The following MCHR2 variants were observed in gnomAD, a reference collection of about 807,000 sequenced individuals.
The protein encoded by MCHR2 is melanin-concentrating hormone receptor 2.
MCHR2 carries 15 observed loss-of-function variants against 24.8 expected under a neutral mutation model. The observed-to-expected ratio is 0.60, with a 90% confidence interval of 0.40 to 0.93. The LOEUF is 0.93. MCHR2 is among the 40% of genes least tolerant of loss of function. The probability of loss-of-function intolerance (pLI) is 0.00; values close to 1 mark genes in which losing one functional copy is unlikely to be tolerated. For synonymous variants in MCHR2, 151 were observed against 147.6 expected (o/e 1.02, Z -0.17); for missense variants, 386 against 408.7 (o/e 0.94, Z 0.48).
At chr6:99,993,037 TAAG>T (rs1279818742) in intron 1 of MCHR2, among the ~76,000 whole-genome samples, 1 of 152,222 alleles carries the variant, frequency 6.6e-6, no homozygotes, top group Non-Finnish European at 1.5e-5. Flanking sequence ...TGCGCTGAGC[TAAG>T]TTCTATGAAA....
rs1775939836 is a variant in MCHR2, at chr6:99,993,973, G to C, written c.-65C>G. ...GTCCTCCCCGCGCGGCGGACAGCCC[G>C]GGCGCCCTTCCTCTCTGCGGGACTG... On this transcript the variant is annotated 5_prime_UTR_variant, in exon 1 of 6. Transcript: ENST00000281806. 1.3e-5 allele frequency: 2 copies of C among 152,272 alleles called. No individual in the cohort carries two copies. Among genetic ancestry groups the C allele is most frequent in the East Asian group, 3.9e-4 (2 of 5,134 alleles). The allele number at this position is 152,272 out of a possible 1,614,324, so 9.4% of individuals were successfully genotyped here.
chr6:99,918,821 A>G lies in MCHR2; in HGVS notation c.*2119T>C, dbSNP rs542020230. Among the ~76,000 whole-genome samples the G allele has an allele frequency of 1.1e-3, 174 of 152,324 alleles. No individual in the cohort carries two copies. Among genetic ancestry groups the G allele is most frequent in the Middle Eastern group, 6.8e-3 (2 of 294 alleles). The stretch of plus-strand genomic sequence containing the variant: ...CCTTTTTATTTTCTACTTTGATTAA[A>G]TGCTAAATAAAGCTCCTTACAACTC... On this transcript the variant is annotated 3_prime_UTR_variant, in exon 6 of 6. Coordinates refer to ENST00000281806, the MANE Select transcript of MCHR2 (RefSeq NM_001040179.2).
At chr6:99,979,580 T>C (rs1225128302) in intron 1 of MCHR2, among the ~76,000 whole-genome samples, 1 of 152,216 alleles carries the variant, frequency 6.6e-6, no homozygotes, top group Non-Finnish European at 1.5e-5. Context: ...AAATTTTTAA[T>C]AGACTAGGTT....
At chr6:99,981,545 G>A (rs549505046) in intron 1 of MCHR2, among the ~76,000 whole-genome samples, 5 of 152,224 alleles carry the variant, frequency 3.3e-5, no homozygotes, top group Admixed American at 1.3e-4. Context: ...ATTGAGAATG[G>A]GGTCAAATTC....
At chr6:99,962,414 T>C (rs1407071520) in intron 1 of MCHR2, among the ~76,000 whole-genome samples, 3 of 152,164 alleles carry the variant, frequency 2.0e-5, no homozygotes, top group African/African-American at 7.2e-5. Flanking sequence ...AACTAAAATC[T>C]TGAAAAGTGA....
At chr6:99,970,503 T>A (rs1167175977) in intron 1 of MCHR2, among the ~76,000 whole-genome samples, 5 of 152,132 alleles carry the variant, frequency 3.3e-5, no homozygotes, top group Non-Finnish European at 7.4e-5. Context: ...TTCTCCCATT[T>A]TGTAGGTTGC....
chr6:99,942,772 C>T (rs545665623), intron 4 of MCHR2, among the ~76,000 whole-genome samples, 177 bp downstream of exon 4: 9 of 152,166 alleles, frequency 5.9e-5, no homozygotes, highest in African/African-American at 1.9e-4. Flanking sequence ...TAAAGGTTAC[C>T]CTCTCCTTAA....
intron 1 of MCHR2, among the ~76,000 whole-genome samples, chr6:99,959,449 AC>A (rs770280958): frequency 6.6e-6 from 1 of 151,334 alleles, no homozygotes; most frequent in Non-Finnish European, 1.5e-5. Context: ...ATGTGTAGAT[AC>A]CAATGCAAAG....
intron 1 of MCHR2, among the ~76,000 whole-genome samples, chr6:99,983,163 G>A (rs995833277): frequency 6.6e-6 from 1 of 151,870 alleles, no homozygotes; most frequent in African/African-American, 2.4e-5. Flanking sequence ...TAGAGACAGG[G>A]TTTTACCATG....
At chr6:99,974,744 T>C (rs1167345171) in intron 1 of MCHR2, among the ~76,000 whole-genome samples, 2 of 152,170 alleles carry the variant, frequency 1.3e-5, no homozygotes, top group Admixed American at 6.5e-5. Flanking sequence ...TTTTGGTGTG[T>C]ACTTCCTGTT....
chr6:99,944,730 T>C (rs924587895), intron 3 of MCHR2, among the ~76,000 whole-genome samples: 1 of 152,180 alleles, frequency 6.6e-6, no homozygotes, highest in Non-Finnish European at 1.5e-5. Context: ...GAGGAAGTCA[T>C]GGGATCAAGC....
At position 99,934,535 on chromosome 6, in the gene MCHR2, G is replaced by C; in HGVS notation, c.588-18C>G. 1 of 1,545,020 alleles carries C rather than the reference G, an allele frequency of 6.5e-7. No individual in the cohort carries two copies. Among genetic ancestry groups the C allele is most frequent in the Non-Finnish European group, 8.7e-7 (1 of 1,152,338 alleles). ...GTGTATACCTGTAAAATGAGAGAGA[G>C]AAGAGAGAGAGAGAAAGAACAACAC... On this transcript the variant is annotated intron_variant, in intron 4 of 5. Coordinates refer to ENST00000281806, the MANE Select transcript of MCHR2 (RefSeq NM_001040179.2).
Position 99,958,726 on chromosome 6 carries a change from A to T in MCHR2, c.-27-2552T>A, listed in dbSNP as rs183176836. 2.7e-3 allele frequency among the ~76,000 whole-genome samples: 416 copies of T among 152,316 alleles called. 2 individuals carry two copies. Among genetic ancestry groups the T allele is most frequent in the African/African-American group, 9.6e-3 (399 of 41,588 alleles). ...GGAAGCCAGCTACATCAAAGCCAAT[A>T]GAAGAACCTGTGGCACCCTCTTGCC... On this transcript the variant is annotated intron_variant, in intron 1 of 5. Coordinates refer to ENST00000281806, the MANE Select transcript of MCHR2 (RefSeq NM_001040179.2).
At chr6:99,993,685 T>C (rs1775930470) in intron 1 of MCHR2, among the ~76,000 whole-genome samples, 1 of 152,116 alleles carries the variant, frequency 6.6e-6, no homozygotes, top group Non-Finnish European at 1.5e-5. Context: ...TCCATTTTCT[T>C]TGCCGAGTGT....
rs575974159 is a variant in MCHR2 at position 99,983,029 on chromosome 6, C to T, written c.-28+10907G>A. On this transcript the variant is annotated intron_variant, in intron 1 of 5. Coordinates refer to ENST00000281806, the MANE Select transcript of MCHR2 (RefSeq NM_001040179.2). ...TGGCTGGAGTGCAGTGGTGCAATCA[C>T]GGCTCACTGCAGCCTCAACTTCCCA... Among the ~76,000 whole-genome samples the T allele has an allele frequency of 1.4e-4, 21 of 152,220 alleles. No homozygotes were observed. The South Asian group carries it at 3.5e-3, about 26-fold the overall frequency.
chr6:99,954,291 T>C (rs375642571), intron 2 of MCHR2, among the ~76,000 whole-genome samples: 29 of 152,272 alleles, frequency 1.9e-4, no homozygotes, highest in African/African-American at 7.0e-4. Context: ...TGCTGTGCTT[T>C]TTAAGTGTAA....
chr6:99,992,750 C>A (rs1775909204), intron 1 of MCHR2, among the ~76,000 whole-genome samples: 1 of 152,114 alleles, frequency 6.6e-6, no homozygotes, highest in Non-Finnish European at 1.5e-5. Flanking sequence ...AATAACATTG[C>A]CCTTGTAATT....
At position 99,948,173 on chromosome 6, in the gene MCHR2, T is replaced by TA. The variant is rs200114294; in HGVS notation, c.183-203dup. The stretch of plus-strand genomic sequence containing the variant: ...TATTTGATAACTTACTGTGGTGGTT[T>TA]AAAAATATGTCCACAAAATATTTGA... On this transcript the variant is annotated intron_variant, in intron 2 of 5. Coordinates refer to ENST00000281806, the MANE Select transcript of MCHR2 (RefSeq NM_001040179.2). Among the ~76,000 whole-genome samples the TA allele has an allele frequency of 5.8e-3, 887 of 152,280 alleles. 12 individuals are homozygous for TA. The highest frequency in any genetic ancestry group is 0.023 in the Admixed American group (353 of 15,294).
intron 4 of MCHR2, among the ~76,000 whole-genome samples, chr6:99,941,114 C>T (rs1774761644): frequency 6.6e-6 from 1 of 151,616 alleles, no homozygotes; most frequent in Non-Finnish European, 1.5e-5. Context: ...CTACCTTGAT[C>T]TCGTTTTTTT....
Sources: allele counts gnomAD v4.1 joint callset (sites outside exome capture counted in the v4.1 genomes callset), GRCh38; gene constraint gnomAD v4.1.1; transcripts MANE v1.5; gene names NCBI Gene and HGNC (gene_info 2026-07-23, HGNC 2026-07-21).